SIPA1L1: variants seen among roughly 807,000 people sequenced by gnomAD.
SIPA1L1 encodes the protein signal induced proliferation associated 1 like 1.
SIPA1L1 carries 26 observed loss-of-function variants against 162.7 expected under a neutral mutation model. That is an observed-to-expected ratio of 0.16 (90% CI 0.12 to 0.22). The LOEUF (loss-of-function observed/expected upper bound fraction) is 0.22, where lower values mean the gene tolerates loss of function less well. SIPA1L1 is among the 10% of genes least tolerant of loss of function. The pLI is 1.00. For synonymous variants in SIPA1L1, 829 were observed against 837.4 expected (o/e 0.99, Z 0.17); for missense variants, 1,874 against 2,241.0 (o/e 0.84, Z 3.31).
chr14:71,637,656 G>A (rs2041295577), intron 7 of SIPA1L1, among the ~76,000 whole-genome samples: 1 of 151,878 alleles, frequency 6.6e-6, no homozygotes. Context: ...TCCAGAAGTT[G>A]GAGGCTTCAG....
chr14:71,418,430 C>G (rs1401678282), intron 2 of SIPA1L1, among the ~76,000 whole-genome samples: 1 of 152,124 alleles, frequency 6.6e-6, no homozygotes, highest in Non-Finnish European at 1.5e-5. Context: ...GAAGAGAGAA[C>G]ATGAACTATG....
At chr14:71,384,819 C>T (rs773645735) in intron 2 of SIPA1L1, among the ~76,000 whole-genome samples, 21 of 152,168 alleles carry the variant, frequency 1.4e-4, no homozygotes, top group Non-Finnish European at 2.5e-4. Flanking sequence ...CAGCCTGACC[C>T]GCGTTTCCTT....
chr14:71,705,944 G>A (rs1475859723), intron 16 of SIPA1L1, among the ~76,000 whole-genome samples: 1 of 151,526 alleles, frequency 6.6e-6, no homozygotes, highest in African/African-American at 2.4e-5. Context: ...CCCTGATACC[G>A]CTATTGGGAC....
rs2034820927 is a variant in SIPA1L1 at position 71,588,004 on chromosome 14, C to T, written c.132C>T (p.Gly44=). The change falls in exon 5 of 24, where the codon GGC becomes GGT. Residue 44 remains glycine (G), a synonymous_variant. Transcript: ENST00000381232. The surrounding 1 kb of genome is among the most constrained non-coding windows in gnomAD (Gnocchi z 4.3). ...FYMRRFRSQN[G]SLGSSVMAPV... ...TGCGGCGCTTCCGGTCCCAAAATGG[C>T]AGCTTAGGATCATCAGTTATGGCTC... The T allele has an allele frequency of 6.2e-7, 1 of 1,614,016 alleles. No homozygotes were observed. Among genetic ancestry groups the T allele is most frequent in the African/African-American group, 1.3e-5 (1 of 74,914 alleles).
intron 7 of SIPA1L1, among the ~76,000 whole-genome samples, chr14:71,642,772 C>G (rs540416890): frequency 3.9e-5 from 6 of 152,122 alleles, no homozygotes; most frequent in African/African-American, 1.4e-4. Context: ...ACTCTGATGT[C>G]TTTTTAATGT....
At chr14:71,517,668 A>C (rs2051878414) in intron 3 of SIPA1L1, among the ~76,000 whole-genome samples, 1 of 152,162 alleles carries the variant, frequency 6.6e-6, no homozygotes, top group African/African-American at 2.4e-5. Context: ...CCATTGCCCC[A>C]CAGCTTTGCC....
chr14:71,613,822 A>G (rs917886550), intron 5 of SIPA1L1, among the ~76,000 whole-genome samples: 8 of 152,228 alleles, frequency 5.3e-5, no homozygotes, highest in African/African-American at 1.7e-4. Context: ...AAAGTGCTAC[A>G]TCACAGAGCA....
intron 17 of SIPA1L1, among the ~76,000 whole-genome samples, chr14:71,718,051 A>G (rs945746582): frequency 6.6e-6 from 1 of 152,196 alleles, no homozygotes. Context: ...CAATGTGTGT[A>G]ATTCAACTGG....
intron 4 of SIPA1L1, chr14:71,586,489 G>C (rs887838966): frequency 4.6e-5 from 7 of 152,214 alleles, no homozygotes; most frequent in African/African-American, 1.7e-4. Context: ...TGGTTCAGCA[G>C]CATCTTTCCA....
intron 2 of SIPA1L1, among the ~76,000 whole-genome samples, chr14:71,366,812 TG>T (rs1406455540): frequency 6.6e-6 from 1 of 152,210 alleles, no homozygotes; most frequent in East Asian, 1.9e-4. Flanking sequence ...AAGCTTATTG[TG>T]GGGATCAAGT....
chr14:71,518,495 C>T (rs1049608048), intron 3 of SIPA1L1, among the ~76,000 whole-genome samples: 2 of 152,196 alleles, frequency 1.3e-5, no homozygotes, highest in Middle Eastern at 3.2e-3. Flanking sequence ...CAGATCCCCT[C>T]ATTACTGTTG....
chr14:71,509,796 A>C (rs1256834155), intron 2 of SIPA1L1, among the ~76,000 whole-genome samples: 1 of 152,126 alleles, frequency 6.6e-6, no homozygotes, highest in Non-Finnish European at 1.5e-5. Context: ...AAACAGTACA[A>C]TATAAAAGAG....
intron 5 of SIPA1L1, among the ~76,000 whole-genome samples, chr14:71,598,818 T>C (rs958315874): frequency 2.0e-5 from 3 of 152,216 alleles, no homozygotes; most frequent in Admixed American, 2.0e-4. Flanking sequence ...TTTCAAGGCC[T>C]CTCTTCTAGC....
intron 5 of SIPA1L1, among the ~76,000 whole-genome samples, chr14:71,608,882 A>T (rs78517077): frequency 0.11 from 17,155 of 152,168 alleles, 1,406 homozygotes; most frequent in East Asian, 0.41. Flanking sequence ...ACAAAGCGAG[A>T]CTCTGTCTCA....
intron 5 of SIPA1L1, among the ~76,000 whole-genome samples, chr14:71,609,870 T>C (rs1250345291): frequency 2.0e-5 from 3 of 152,044 alleles, no homozygotes; most frequent in Non-Finnish European, 4.4e-5. Context: ...CCACTTCCCC[T>C]GCGCCCCCCA....
Position 71,671,186 on chromosome 14 carries a change from C to T in SIPA1L1, c.2323C>T (p.Pro775Ser), listed in dbSNP as rs763447819. 6.2e-7 allele frequency: 1 copy of T among 1,614,080 alleles called. No individual in the cohort carries two copies. The highest frequency in any genetic ancestry group is 8.5e-7 in the Non-Finnish European group (1 of 1,180,000). ...TCCCATTCCTAAAGGGGTCACTTTC[C>T]CTAAGTCAAATGTGTTCAGGGACTT... Reference protein sequence around the residue: ...GPPIPKGVTFPKSNVFRDFLL... With the variant: ...GPPIPKGVTFSKSNVFRDFLL... Residue 775 changes from proline (P) to serine (S), a missense_variant, in exon 11 of 24, where the codon CCT becomes TCT. This residue lies in a region of SIPA1L1 where 243 missense variants were observed against 315.0 expected (regional missense o/e 0.77). Transcript: ENST00000381232.
intron 2 of SIPA1L1, among the ~76,000 whole-genome samples, chr14:71,443,658 C>A (rs1365109192): frequency 6.6e-6 from 1 of 152,142 alleles, no homozygotes; most frequent in Non-Finnish European, 1.5e-5. Flanking sequence ...TGGTAATGAG[C>A]TTGTGTTATG....
chr14:71,330,269 G>T, intron 2 of SIPA1L1: 3 of 700,408 alleles, frequency 4.3e-6, no homozygotes, highest in Non-Finnish European at 8.0e-6. Context: ...AAGTAGAAGT[G>T]GCTCCCCTGA....
intron 10 of SIPA1L1, among the ~76,000 whole-genome samples, chr14:71,667,939 C>T (rs956315802): frequency 3.3e-5 from 5 of 152,038 alleles, no homozygotes; most frequent in Non-Finnish European, 7.4e-5. Context: ...ATGGCGGGCC[C>T]CTGTAGTTCC....
Sources: gnomAD v4.1 joint callset for allele counts (sites outside exome capture counted in the v4.1 genomes callset) on GRCh38, gnomAD v4.1.1 for gene constraint, gnomAD v4.1.1 regional missense constraint, Gnocchi (gnomAD v3.1) non-coding constraint, MANE v1.5 for transcripts, NCBI Gene and HGNC (gene_info 2026-07-23, HGNC 2026-07-21) for gene names.